RANBP2: variants seen among roughly 807,000 people sequenced by gnomAD.
RANBP2 encodes the protein RAN binding protein 2, also known as E3 SUMO-protein ligase RanBP2.
RANBP2 carries 57 observed loss-of-function variants against 303.6 expected under a neutral mutation model. That is an observed-to-expected ratio of 0.19 (90% CI 0.15 to 0.23). RANBP2 has a LOEUF of 0.23. Among genes scored for constraint, RANBP2 ranks in the 10% least tolerant of loss-of-function variants. The pLI is 1.00. For synonymous variants in RANBP2, 1,167 were observed against 1,301.5 expected, an observed-to-expected ratio of 0.90 and a Z score of 2.23; for missense variants, 3,138 against 3,780.8, an observed-to-expected ratio of 0.83 and a Z score of 4.46.
chr2:109,613,427 A>C, the RANBP2 span: 1 of 310,924 alleles, frequency 3.2e-6, no homozygotes, highest in South Asian at 2.8e-5. Context: ...TCACGGCTGC[A>C]AAAGATGACC....
chr2:109,246,021 G>A, the RANBP2 span, among the ~76,000 whole-genome samples: 1 of 152,202 alleles, frequency 6.6e-6, no homozygotes, highest in Non-Finnish European at 1.5e-5. Flanking sequence ...AAAGAGCATG[G>A]ATTTTTGAAA....
the RANBP2 span, among the ~76,000 whole-genome samples, chr2:108,810,356 ATGT>A: frequency 1.4e-4 from 21 of 152,186 alleles, no homozygotes; most frequent in South Asian, 6.2e-4. Flanking sequence ...CTGTGAAGAG[ATGT>A]TGTTGAATTT....
the RANBP2 span, among the ~76,000 whole-genome samples, chr2:109,495,477 CTTTTTTTTTTTTT>C: frequency 3.8e-4 from 36 of 94,288 alleles, no homozygotes; most frequent in South Asian, 2.6e-3. Flanking sequence ...TCTTTCATTC[CTTTTTTTTTTTTT>C]TTTTTTTTTT....
chr2:109,287,309 G>T, the RANBP2 span, among the ~76,000 whole-genome samples: 1 of 152,110 alleles, frequency 6.6e-6, no homozygotes, highest in Non-Finnish European at 1.5e-5. Context: ...CTGATGCCCT[G>T]GTGGAGAGGC....
At chr2:109,044,135 A>G in the RANBP2 span, among the ~76,000 whole-genome samples, 3 of 152,258 alleles carry the variant, frequency 2.0e-5, no homozygotes, top group African/African-American at 7.2e-5. Context: ...AATTAAAAAC[A>G]TAGAATTATT....
the RANBP2 span, among the ~76,000 whole-genome samples, chr2:109,115,380 T>C: frequency 2.0e-5 from 3 of 152,350 alleles, no homozygotes; most frequent in Middle Eastern, 3.4e-3. Flanking sequence ...TTTACCATTA[T>C]GTAATGGCCT....
the RANBP2 span, chr2:109,502,628 T>G: frequency 6.6e-6 from 1 of 152,162 alleles, no homozygotes; most frequent in African/African-American, 2.4e-5. Flanking sequence ...TTCTTTAAAC[T>G]CTTACCAAAA....
the RANBP2 span, among the ~76,000 whole-genome samples, chr2:109,025,082 A>G: frequency 1.3e-5 from 2 of 152,208 alleles, no homozygotes; most frequent in African/African-American, 4.8e-5. Context: ...TGACCATTCT[A>G]GATAATTTAT....
the RANBP2 span, among the ~76,000 whole-genome samples, chr2:109,691,838 A>G: frequency 6.6e-6 from 1 of 151,938 alleles, no homozygotes; most frequent in African/African-American, 2.4e-5. Flanking sequence ...GCTAGAGCGC[A>G]GTGGCACGAT....
the RANBP2 span, among the ~76,000 whole-genome samples, chr2:109,644,315 A>T: frequency 2.0e-5 from 3 of 152,068 alleles, no homozygotes; most frequent in African/African-American, 4.8e-5. Context: ...CAAAAAAAAA[A>T]TCAGACTCCA....
chr2:108,992,030 C>T, the RANBP2 span, among the ~76,000 whole-genome samples: 1 of 152,158 alleles, frequency 6.6e-6, no homozygotes, highest in Non-Finnish European at 1.5e-5. Context: ...GAACTCCTGA[C>T]TTCAAGTGAT....
Position 108,766,567 on chromosome 2 carries a change from G to A in RANBP2, c.6028G>A (p.Asp2010Asn). Residue 2010 changes from aspartate (D) to asparagine (N), a missense_variant, in exon 20 of 29, where the codon GAC becomes AAC. Asp to Asn is a conservative substitution (Grantham distance 23). This residue lies in a region of RANBP2 where 348 missense variants were observed against 360.4 expected (regional missense o/e 0.97). Transcript: ENST00000283195. ...DDAYKTEDSDDIHFEPVVQMP... is the reference protein window; with the variant it reads ...DDAYKTEDSDNIHFEPVVQMP... ...TGCCTATAAGACTGAGGACAGCGAT[G>A]ACATCCATTTTGAACCAGTAGTTCA... 6.2e-7 allele frequency: 1 copy of A among 1,611,996 alleles called. No homozygotes were observed. The highest frequency in any genetic ancestry group is 8.5e-7 in the Non-Finnish European group (1 of 1,179,848).
At chr2:109,719,850 A>C in the RANBP2 span, among the ~76,000 whole-genome samples, 1 of 152,208 alleles carries the variant, frequency 6.6e-6, no homozygotes, top group Non-Finnish European at 1.5e-5. Flanking sequence ...ATGAATTTCC[A>C]GGCTTGGCCA....
chr2:109,494,558 G>T, the RANBP2 span, among the ~76,000 whole-genome samples: 1 of 152,178 alleles, frequency 6.6e-6, no homozygotes, highest in Non-Finnish European at 1.5e-5. Context: ...TTACTTCCAG[G>T]CTTACTTTGG....
At chr2:108,933,169 T>C in the RANBP2 span, among the ~76,000 whole-genome samples, 1 of 152,356 alleles carries the variant, frequency 6.6e-6, no homozygotes, top group Non-Finnish European at 1.5e-5. Context: ...GGTGTATTTG[T>C]AAAGTTTCTA....
At chr2:109,726,645 C>A in the RANBP2 span, among the ~76,000 whole-genome samples, 1 of 152,114 alleles carries the variant, frequency 6.6e-6, no homozygotes, top group Non-Finnish European at 1.5e-5. Context: ...TCCTGCTAAC[C>A]AAGGAGTCTT....
At chr2:109,300,199 A>AT in the RANBP2 span, among the ~76,000 whole-genome samples, 4 of 151,418 alleles carry the variant, frequency 2.6e-5, no homozygotes, top group East Asian at 1.9e-4. Context: ...GCATCCTGAA[A>AT]TTTTTTTTTC....
chr2:109,621,625 C>A, the RANBP2 span, among the ~76,000 whole-genome samples: 1 of 151,980 alleles, frequency 6.6e-6, no homozygotes. Flanking sequence ...ATTTAAGAGG[C>A]AATGATGGCC....
chr2:109,390,596 A>C, the RANBP2 span, among the ~76,000 whole-genome samples: 1 of 152,214 alleles, frequency 6.6e-6, no homozygotes, highest in African/African-American at 2.4e-5. Context: ...GGTGGGATCC[A>C]GGGAGGAAGA....
Sources: allele counts gnomAD v4.1 joint callset (sites outside exome capture counted in the v4.1 genomes callset), GRCh38; gene constraint gnomAD v4.1.1; regional missense constraint gnomAD v4.1.1; transcripts MANE v1.5; gene names NCBI Gene and HGNC (gene_info 2026-07-23, HGNC 2026-07-21).